RHCE: variants seen among roughly 807,000 people sequenced by gnomAD.
The protein encoded by RHCE is Rh blood group CcEe antigens.
In RHCE, 22 loss-of-function variants were observed where a neutral mutation model predicts 43.8. The ratio of observed to expected loss-of-function variants is 0.50; its 90% CI spans 0.36 to 0.72. The LOEUF (loss-of-function observed/expected upper bound fraction) is 0.72, where lower values mean the gene tolerates loss of function less well. RHCE is among the 30% of genes least tolerant of loss of function. The pLI is 0.00. For synonymous variants in RHCE, 156 were observed against 210.7 expected (o/e 0.74, Z 2.25); for missense variants, 385 against 525.4 (o/e 0.73, Z 2.61).
At chr1:25,424,937 C>T (rs2042794060), upstream of RHCE, among the ~76,000 whole-genome samples, 1 of 152,058 alleles carries the variant, frequency 6.6e-6, no homozygotes, top group East Asian at 1.9e-4. Context: ...CTTCCTCAGC[C>T]TCCCAAGTAG....
chr1:25,397,125 A>AG (rs1187419179), intron 3 of RHCE, among the ~76,000 whole-genome samples: 1 of 148,710 alleles, frequency 6.7e-6, no homozygotes, highest in Non-Finnish European at 1.5e-5. Context: ...AAAAAAAAAA[A>AG]AAAAAAAAGA....
intron 6 of RHCE, among the ~76,000 whole-genome samples, chr1:25,387,366 C>T (rs373559023): frequency 6.6e-6 from 1 of 152,346 alleles, no homozygotes. Flanking sequence ...GCTGTTCTCA[C>T]ACTGTATTCT....
intron 2 of RHCE, among the ~76,000 whole-genome samples, chr1:25,428,632 T>A (rs941790774): frequency 3.3e-5 from 5 of 152,332 alleles, no homozygotes; most frequent in African/African-American, 1.2e-4. Flanking sequence ...AGGCTCATTG[T>A]CCTCCAAGCC....
intron 1 of RHCE, among the ~76,000 whole-genome samples, chr1:25,416,884 A>C (rs1306355502): frequency 7.8e-6 from 1 of 128,458 alleles, no homozygotes. Flanking sequence ...AATCCTCCCC[A>C]CTTGGCCTCC....
upstream of RHCE, among the ~76,000 whole-genome samples, chr1:25,421,521 C>T (rs148887558): frequency 6.6e-6 from 1 of 152,208 alleles, no homozygotes; most frequent in Non-Finnish European, 1.5e-5. Context: ...CCTCTGGTCA[C>T]CTCCTCACAG....
Position 25,416,912 on chromosome 1 carries a change from G to T in RHCE, c.148+3727C>A, listed in dbSNP as rs1571924430. Among the ~76,000 whole-genome samples, 11 of 141,584 alleles carry T rather than the reference G, an allele frequency of 7.8e-5. No individual in the cohort carries two copies. In the South Asian group the frequency reaches 2.1e-3, roughly 27 times the overall value. 92.9% of individuals were successfully genotyped at this position (141,584 alleles called of 152,430 possible). ...TGGCCTCCCTAAGTGCTCAGCCAGG[G>T]TGTTTTTTTTTTTTTTAATTAACTA... On this transcript the variant is annotated intron_variant, in intron 1 of 9. Coordinates refer to ENST00000294413, the MANE Select transcript of RHCE (RefSeq NM_020485.8).
intron 1 of RHCE, among the ~76,000 whole-genome samples, chr1:25,420,248 A>C (rs1280337363): frequency 6.6e-6 from 1 of 152,154 alleles, no homozygotes; most frequent in Non-Finnish European, 1.5e-5. Flanking sequence ...CAACAACATG[A>C]AATTGCTTGC....
chr1:25,409,940 A>G (rs561966087), intron 1 of RHCE, among the ~76,000 whole-genome samples: 9 of 151,314 alleles, frequency 5.9e-5, no homozygotes, highest in African/African-American at 2.0e-4. Flanking sequence ...CTTGTCACCC[A>G]GGCTGGAGTA....
rs529955411 is a variant in RHCE, at chr1:25,374,069, C to T, written c.1153+1280G>A. Among the ~76,000 whole-genome samples the T allele has an allele frequency of 3.3e-5, 5 of 150,766 alleles. No individual in the cohort carries two copies. The South Asian group carries it at 6.3e-4, about 19-fold the overall frequency. Reference sequence around the variant, plus strand: ...CTCCTGACCTCAGGTGATCTACCTGCCTCAGCCTCCCAAAGTGCTGGGATT... The same window carrying T: ...CTCCTGACCTCAGGTGATCTACCTGTCTCAGCCTCCCAAAGTGCTGGGATT... On this transcript the variant is annotated intron_variant, in intron 8 of 9. Coordinates refer to ENST00000294413, the MANE Select transcript of RHCE (RefSeq NM_020485.8).
In RHCE at chr1:25,406,268, T is replaced by C. The variant is rs1191581493; in HGVS notation, c.335+2415A>G. On this transcript the variant is annotated intron_variant, in intron 2 of 9. Transcript: ENST00000294413. Reference sequence around the variant, plus strand: ...GTGCGTGCGTGTGTGTGTGTGTGTGTGTGTGTGTATTGAATCCCGGTGGGA... The same window carrying C: ...GTGCGTGCGTGTGTGTGTGTGTGTGCGTGTGTGTATTGAATCCCGGTGGGA... 1.8e-4 allele frequency among the ~76,000 whole-genome samples: 22 copies of C among 121,378 alleles called. 4 individuals carry two copies. The highest frequency in any genetic ancestry group is 5.3e-4 in the African/African-American group (21 of 39,286). 79.6% of individuals were successfully genotyped at this position (121,378 alleles called of 152,430 possible).
chr1:25,408,599 C>G, intron 2 of RHCE, 84 bp downstream of exon 2: 1 of 915,104 alleles, frequency 1.1e-6, no homozygotes, highest in Non-Finnish European at 1.6e-6. Context: ...AGAGAGGGGG[C>G]AATATCCCAG....
At position 25,420,688 on chromosome 1, in the gene RHCE, G is replaced by A. The variant is rs2124551975; in HGVS notation, c.99C>T (p.His33=). ...TTTGATCCTCTAAGGAAGCGTCATA[G>A]TGGGTAAAAAAATAGAAGAGGAGAA... ...ALILLFYFFT[H]YDASLEDQKG... The change falls in exon 1 of 10, where the codon CAC becomes CAT. Residue 33 remains histidine (H), a synonymous_variant. Coordinates refer to ENST00000294413, the MANE Select transcript of RHCE (RefSeq NM_020485.8). The A allele has an allele frequency of 6.2e-7, 1 of 1,613,688 alleles. No homozygotes were observed. Among genetic ancestry groups the A allele is most frequent in the Middle Eastern group, 1.7e-4 (1 of 6,056 alleles).
At chr1:25,380,159 T>G (rs1449930988) in intron 7 of RHCE, among the ~76,000 whole-genome samples, 1 of 142,056 alleles carries the variant, frequency 7.0e-6, no homozygotes, top group African/African-American at 2.6e-5. Flanking sequence ...GGAACAGGCA[T>G]AGGACAGACA....
chr1:25,377,755 A>G (rs1454319287), intron 7 of RHCE, among the ~76,000 whole-genome samples: 1 of 152,112 alleles, frequency 6.6e-6, no homozygotes, highest in African/African-American at 2.4e-5. Flanking sequence ...CTATACAAAA[A>G]TTCGGTGGGC....
chr1:25,428,005 C>A (rs78951081), intron 2 of RHCE, among the ~76,000 whole-genome samples: 6,988 of 152,170 alleles, frequency 0.046, 507 homozygotes, highest in African/African-American at 0.15. Context: ...ATTTTCTCTG[C>A]CCTTTCTCTG....
chr1:25,410,845 A>T (rs1647050686), intron 1 of RHCE, among the ~76,000 whole-genome samples: 1 of 152,088 alleles, frequency 6.6e-6, no homozygotes, highest in Admixed American at 6.5e-5. Context: ...TAAAAATACC[A>T]ATTTAGGAGG....
upstream of RHCE, among the ~76,000 whole-genome samples, chr1:25,425,172 G>C (rs1431105946): frequency 6.6e-6 from 1 of 152,198 alleles, no homozygotes; most frequent in African/African-American, 2.4e-5. Context: ...CATAAAGACA[G>C]GGACTTTTGA....
At chr1:25,378,912 T>G (rs1437117937) in intron 7 of RHCE, among the ~76,000 whole-genome samples, 4 of 152,024 alleles carry the variant, frequency 2.6e-5, no homozygotes, top group Admixed American at 2.0e-4. Flanking sequence ...TATATCCCAG[T>G]GGAAAAAAAG....
intron 9 of RHCE, among the ~76,000 whole-genome samples, chr1:25,369,175 G>A (rs1645526949): frequency 6.6e-6 from 1 of 151,706 alleles, no homozygotes; most frequent in Non-Finnish European, 1.5e-5. Flanking sequence ...CTCTCCCCAG[G>A]TCCTCTCTGC....
Sources: gnomAD v4.1 joint callset for allele counts (sites outside exome capture counted in the v4.1 genomes callset) on GRCh38, gnomAD v4.1.1 for gene constraint, MANE v1.5 for transcripts, NCBI Gene and HGNC (gene_info 2026-07-23, HGNC 2026-07-21) for gene names.